The following COBL variants were observed in gnomAD, a reference collection of about 807,000 sequenced individuals.
COBL encodes the protein protein cordon-bleu.
A neutral mutation model predicts 98.8 loss-of-function variants in COBL; 51 were observed. That is an observed-to-expected ratio of 0.52 (90% CI 0.41 to 0.65). The LOEUF is 0.65. COBL is among the 30% of genes least tolerant of loss of function. COBL has a pLI of 0.00. For missense variants in COBL, 1,617 were observed against 1,617.5 expected, an observed-to-expected ratio of 1.00 and a Z score of 0.01; for synonymous variants, 634 against 651.7, an observed-to-expected ratio of 0.97 and a Z score of 0.41.
intron 6 of COBL, among the ~76,000 whole-genome samples, chr7:51,096,975 T>C (rs560988443): frequency 6.6e-6 from 1 of 152,258 alleles, no homozygotes; most frequent in African/African-American, 2.4e-5. Context: ...GGAGGAAGAC[T>C]TCCAGACTCA....
intron 6 of COBL, among the ~76,000 whole-genome samples, chr7:51,097,208 T>C (rs1314310107): frequency 6.6e-6 from 1 of 152,136 alleles, no homozygotes; most frequent in Non-Finnish European, 1.5e-5. Context: ...CAATGTAATA[T>C]GCCACAGTGA....
At chr7:51,286,434 T>G (rs1004446603) in intron 1 of COBL, among the ~76,000 whole-genome samples, 1 of 151,222 alleles carries the variant, frequency 6.6e-6, no homozygotes, top group Non-Finnish European at 1.5e-5. Context: ...AAAATCTAAT[T>G]TTAAAATGGC....
At position 51,137,550 on chromosome 7, in the gene COBL, T is replaced by C. The variant is rs551854594; in HGVS notation, c.784-1219A>G. On this transcript the variant is annotated intron_variant, in intron 5 of 12. Coordinates refer to ENST00000265136, the MANE Select transcript of COBL (RefSeq NM_015198.5). ...AGTTTGAGGCTGTAGTGAGCCATGCTGGTGTCATTGGAAGACAGAGTGAGA... is the reference window on the plus strand; with the variant it reads ...AGTTTGAGGCTGTAGTGAGCCATGCCGGTGTCATTGGAAGACAGAGTGAGA... Among the ~76,000 whole-genome samples the C allele has an allele frequency of 1.7e-4, 25 of 151,372 alleles. 1 individual carries two copies. The highest frequency in any genetic ancestry group is 6.1e-4 in the African/African-American group (25 of 41,292).
intron 4 of COBL, among the ~76,000 whole-genome samples, chr7:51,186,524 T>C (rs1424519413): frequency 1.3e-5 from 2 of 152,334 alleles, no homozygotes; most frequent in South Asian, 4.1e-4. Context: ...GTTGTTTCTC[T>C]TCTTGAATGA....
intron 2 of COBL, among the ~76,000 whole-genome samples, chr7:51,216,483 G>A (rs571230700): frequency 2.0e-5 from 3 of 152,264 alleles, no homozygotes; most frequent in African/African-American, 7.2e-5. Context: ...AAGATCTTCT[G>A]TTCTTGTGCC....
intron 7 of COBL, among the ~76,000 whole-genome samples, chr7:51,066,206 C>T (rs919362629): frequency 3.9e-5 from 6 of 152,226 alleles, no homozygotes; most frequent in African/African-American, 1.4e-4. Context: ...TCTGATCTTC[C>T]TTCCTCTGGA....
chr7:51,273,631 G>C (rs1376622706), intron 1 of COBL, among the ~76,000 whole-genome samples: 2 of 152,152 alleles, frequency 1.3e-5, no homozygotes, highest in African/African-American at 4.8e-5. Flanking sequence ...TTGCCTGTCT[G>C]AGTGACTGGA....
At chr7:51,092,196 G>C (rs180864279) in intron 6 of COBL, among the ~76,000 whole-genome samples, 2 of 152,320 alleles carry the variant, frequency 1.3e-5, no homozygotes, top group Admixed American at 6.5e-5. Context: ...ATCTGAGGTG[G>C]AACAGTTTTA....
intron 6 of COBL, among the ~76,000 whole-genome samples, chr7:51,115,151 T>C (rs1171780352): frequency 6.6e-6 from 1 of 152,146 alleles, no homozygotes; most frequent in Non-Finnish European, 1.5e-5. Context: ...TCTTTTAAAA[T>C]TGATATTAAT....
At chr7:51,286,055 T>G (rs917724950) in intron 1 of COBL, among the ~76,000 whole-genome samples, 33 of 152,118 alleles carry the variant, frequency 2.2e-4, no homozygotes, top group Admixed American at 1.3e-3. Context: ...AAATGAGAAG[T>G]AGCAGAAGAA....
chr7:51,030,103 C>T (rs545551038), intron 9 of COBL, among the ~76,000 whole-genome samples: 1 of 152,316 alleles, frequency 6.6e-6, no homozygotes, highest in African/African-American at 2.4e-5. Context: ...GCGGGACACA[C>T]TATGGCTGAT....
At chr7:51,105,683 C>T (rs115498401) in intron 6 of COBL, among the ~76,000 whole-genome samples, 2 of 151,236 alleles carry the variant, frequency 1.3e-5, no homozygotes, top group African/African-American at 2.4e-5. Context: ...CCCAGTAGTT[C>T]GAGGCTGCAG....
intron 1 of COBL, among the ~76,000 whole-genome samples, chr7:51,291,114 GC>G (rs1486987379): frequency 6.6e-6 from 1 of 152,184 alleles, no homozygotes; most frequent in Non-Finnish European, 1.5e-5. Flanking sequence ...CCCTGTTAGA[GC>G]CAGCAAGCCA....
chr7:51,217,490 C>A lies in COBL; in HGVS notation c.245+2251G>T, dbSNP rs564536861. Among the ~76,000 whole-genome samples, 3 of 151,712 alleles carry A rather than the reference C, an allele frequency of 2.0e-5. 1 individual carries two copies. The highest frequency in any genetic ancestry group is 6.8e-3 in the Middle Eastern group (2 of 294). On this transcript the variant is annotated intron_variant, in intron 2 of 12. Transcript: ENST00000265136. ...CCGAGTAGCTGGGATTACAGGCATG[C>A]GCCACCACGCCTGGCTAATTTTTTG...
At chr7:51,130,393 TCAC>T (rs919547558) in intron 6 of COBL, among the ~76,000 whole-genome samples, 4 of 152,008 alleles carry the variant, frequency 2.6e-5, no homozygotes, top group African/African-American at 9.7e-5. Flanking sequence ...AGTAACCAAT[TCAC>T]CACCACCACA....
chr7:51,161,053 T>C (rs1462591604), intron 5 of COBL, among the ~76,000 whole-genome samples: 1 of 152,212 alleles, frequency 6.6e-6, no homozygotes, highest in African/African-American at 2.4e-5. Context: ...ACAACTGATG[T>C]ATAACAAAAA....
intron 6 of COBL, among the ~76,000 whole-genome samples, chr7:51,110,991 T>C (rs904071231): frequency 6.6e-6 from 1 of 152,260 alleles, no homozygotes; most frequent in Non-Finnish European, 1.5e-5. Context: ...TGTGCTGCTA[T>C]AAACATGCGT....
chr7:51,164,831 TA>T (rs1218005313), intron 5 of COBL, among the ~76,000 whole-genome samples: 1 of 151,888 alleles, frequency 6.6e-6, no homozygotes, highest in Non-Finnish European at 1.5e-5. Context: ...GACAGTACAA[TA>T]AGATATAAAT....
intron 6 of COBL, among the ~76,000 whole-genome samples, chr7:51,101,951 G>A (rs1390897285): frequency 6.6e-6 from 1 of 152,138 alleles, no homozygotes; most frequent in Non-Finnish European, 1.5e-5. Context: ...GAAGTGGTAA[G>A]TTGGTGAAGC....
Sources: gnomAD v4.1 joint callset for allele counts (sites outside exome capture counted in the v4.1 genomes callset) on GRCh38, gnomAD v4.1.1 for gene constraint, MANE v1.5 for transcripts, NCBI Gene and HGNC (gene_info 2026-07-23, HGNC 2026-07-21) for gene names.